The following ITGA1 variants were observed in gnomAD, a reference collection of about 807,000 sequenced individuals.
ITGA1 encodes integrin alpha-1.
ITGA1 carries 85 observed loss-of-function variants against 145.9 expected under a neutral mutation model. That is an observed-to-expected ratio of 0.58 (90% CI 0.49 to 0.70). The LOEUF is 0.70. ITGA1 is among the 30% of genes least tolerant of loss of function. The probability of loss-of-function intolerance (pLI) is 0.00; values close to 1 mark genes in which losing one functional copy is unlikely to be tolerated. For missense variants in ITGA1, 1,351 were observed against 1,418.7 expected (o/e 0.95, Z 0.77); for synonymous variants, 520 against 495.3 (o/e 1.05, Z -0.66).
intron 1 of ITGA1, among the ~76,000 whole-genome samples, chr5:52,806,445 A>G (rs1047760945): frequency 4.6e-5 from 7 of 152,084 alleles, no homozygotes; most frequent in African/African-American, 1.4e-4. Context: ...AGAAATAAAA[A>G]AATTGACCAA....
chr5:52,806,403 T>A (rs1281910592), intron 1 of ITGA1, among the ~76,000 whole-genome samples: 1 of 151,976 alleles, frequency 6.6e-6, no homozygotes, highest in African/African-American at 2.4e-5. Flanking sequence ...CAGGAGTTGC[T>A]AAATATGGTC....
At chr5:52,827,362 G>A (rs1476743674) in intron 1 of ITGA1, among the ~76,000 whole-genome samples, 1 of 152,150 alleles carries the variant, frequency 6.6e-6, no homozygotes, top group Non-Finnish European at 1.5e-5. Context: ...GTCTTGAGAT[G>A]AAATCAATTC....
At chr5:52,834,691 GGGAA>G (rs960593512) in intron 1 of ITGA1, among the ~76,000 whole-genome samples, 6 of 151,070 alleles carry the variant, frequency 4.0e-5, no homozygotes, top group African/African-American at 1.2e-4. Flanking sequence ...AAGAAAGAAG[GGGAA>G]GGAAGGAAGG....
At chr5:52,845,825 TC>T (rs1450207900) in intron 1 of ITGA1, among the ~76,000 whole-genome samples, 2 of 152,168 alleles carry the variant, frequency 1.3e-5, no homozygotes, top group African/African-American at 4.8e-5. Context: ...TTTATGCATT[TC>T]TTGTATCAAA....
chr5:52,901,521 CTG>C (rs1750313885), intron 11 of ITGA1, among the ~76,000 whole-genome samples: 1 of 152,306 alleles, frequency 6.6e-6, no homozygotes, highest in South Asian at 2.1e-4. Context: ...TTTAAAGACA[CTG>C]TGTGAAGTCC....
At chr5:52,944,312 G>C (rs1391869648) in intron 26 of ITGA1, among the ~76,000 whole-genome samples, 2 of 152,122 alleles carry the variant, frequency 1.3e-5, no homozygotes, top group Non-Finnish European at 2.9e-5. Context: ...AGAGTGAGCT[G>C]TCCCTCAGTC....
chr5:52,876,195 A>T (rs1749863072), intron 6 of ITGA1, among the ~76,000 whole-genome samples: 1 of 152,306 alleles, frequency 6.6e-6, no homozygotes, highest in South Asian at 2.1e-4. Flanking sequence ...TCTGCTACAT[A>T]CATTTACATT....
chr5:52,958,262 A>T lies in ITGA1; in HGVS notation c.*5811A>T, dbSNP rs1751331749. On this transcript the variant is annotated 3_prime_UTR_variant, in exon 29 of 29. Transcript: ENST00000282588. ...AATGGGGGTGAGGGAGTGGAAGATG[A>T]TGAAACTATTTCTCTTTTATGTCTA... The T allele has an allele frequency of 6.6e-6, 1 of 152,214 alleles. No individual in the cohort carries two copies. Among genetic ancestry groups the T allele is most frequent in the Non-Finnish European group, 1.5e-5 (1 of 68,042 alleles). 9.4% of individuals were successfully genotyped at this position (152,214 alleles called of 1,614,324 possible).
At chr5:52,815,652 G>C (rs921516860) in intron 1 of ITGA1, among the ~76,000 whole-genome samples, 6 of 152,166 alleles carry the variant, frequency 3.9e-5, no homozygotes, top group Non-Finnish European at 8.8e-5. Context: ...CCTTCCCTAT[G>C]TTTGGAAAAC....
chr5:52,795,524 A>G (rs1335314432), intron 1 of ITGA1, among the ~76,000 whole-genome samples: 2 of 151,942 alleles, frequency 1.3e-5, no homozygotes, highest in Admixed American at 1.3e-4. Context: ...AATAGGAAAG[A>G]TAGTAATTCA....
chr5:52,853,327 T>C (rs568417196), intron 2 of ITGA1, among the ~76,000 whole-genome samples: 1 of 152,316 alleles, frequency 6.6e-6, no homozygotes, highest in Non-Finnish European at 1.5e-5. Context: ...GTTCTGTAAG[T>C]GTCTATAAAA....
At chr5:52,888,988 A>G (rs1750099782) in intron 8 of ITGA1, among the ~76,000 whole-genome samples, 1 of 152,228 alleles carries the variant, frequency 6.6e-6, no homozygotes, top group Admixed American at 6.5e-5. Flanking sequence ...TAAATCTGCC[A>G]CTGCCTTCTC....
intron 28 of ITGA1, 123 bp from the exon 29 acceptor site, chr5:52,952,284 A>C: frequency 2.1e-6 from 1 of 465,624 alleles, no homozygotes; most frequent in Non-Finnish European, 3.9e-6. Flanking sequence ...ATATTTCTTA[A>C]TTATATTAGT....
chr5:52,910,285 A>G lies in ITGA1; in HGVS notation c.1723A>G (p.Ile575Val). The part of the protein sequence containing the change: ...EPCGARFGTA[I>V]AAVKDLNLDG... ...ATGCGGGGCTCGTTTTGGAACTGCA[A>G]TTGCTGCTGTAAAAGACCTCAATCT... The change falls in exon 14 of 29, where the codon ATT becomes GTT. Residue 575 changes from isoleucine (I) to valine (V), a missense_variant. Physicochemically the swap from Ile to Val is conservative, Grantham distance 29. Transcript: ENST00000282588. The G allele has an allele frequency of 6.2e-7, 1 of 1,613,994 alleles. No homozygotes were observed. Among genetic ancestry groups the G allele is most frequent in the East Asian group, 2.2e-5 (1 of 44,874 alleles).
Position 52,853,225 on chromosome 5 carries a change from C to T in ITGA1, c.182+3740C>T, listed in dbSNP as rs570707678. ...AGCAAATTACAAATACCTAAATTTCCAAACTTTTAAGGATAGCATGGTAGC... is the reference window on the plus strand; with the variant it reads ...AGCAAATTACAAATACCTAAATTTCTAAACTTTTAAGGATAGCATGGTAGC... On this transcript the variant is annotated intron_variant, in intron 2 of 28. Transcript: ENST00000282588. Among the ~76,000 whole-genome samples the T allele has an allele frequency of 2.0e-5, 3 of 152,170 alleles. No individual in the cohort carries two copies. The East Asian group carries it at 5.8e-4, about 29-fold the overall frequency.
Position 52,954,881 on chromosome 5 carries a change from C to T in ITGA1, c.*2430C>T, listed in dbSNP as rs1362560002. 2 of 151,946 alleles carry T rather than the reference C, an allele frequency of 1.3e-5. No individual in the cohort carries two copies. Among genetic ancestry groups the T allele is most frequent in the African/African-American group, 4.8e-5 (2 of 41,394 alleles). The allele number at this position is 151,946 out of a possible 1,614,324, so 9.4% of individuals were successfully genotyped here. Reference sequence around the variant, plus strand: ...AAAAAAGTCAACAAATGTTTCAAAACAGCTTTGTACAAATGTTATAAAACA... The same window carrying T: ...AAAAAAGTCAACAAATGTTTCAAAATAGCTTTGTACAAATGTTATAAAACA... On this transcript the variant is annotated 3_prime_UTR_variant, in exon 29 of 29. Transcript: ENST00000282588.
intron 1 of ITGA1, among the ~76,000 whole-genome samples, chr5:52,844,861 G>A (rs1048605616): frequency 3.9e-5 from 6 of 152,080 alleles, no homozygotes; most frequent in African/African-American, 1.4e-4. Flanking sequence ...AAAATTCCAA[G>A]ACAACTTAGT....
At chr5:52,798,483 C>T (rs556287435) in intron 1 of ITGA1, among the ~76,000 whole-genome samples, 23 of 152,076 alleles carry the variant, frequency 1.5e-4, no homozygotes, top group Non-Finnish European at 2.5e-4. Context: ...CATTTTAGGA[C>T]GTTTATTTGC....
At chr5:52,946,414 C>G (rs1048253332) in intron 27 of ITGA1, among the ~76,000 whole-genome samples, 8 of 152,164 alleles carry the variant, frequency 5.3e-5, no homozygotes, top group African/African-American at 1.7e-4. Context: ...TGGTCTGATG[C>G]TGTATATGTC....
Sources: allele counts gnomAD v4.1 joint callset (sites outside exome capture counted in the v4.1 genomes callset), GRCh38; gene constraint gnomAD v4.1.1; transcripts MANE v1.5; gene names NCBI Gene and HGNC (gene_info 2026-07-23, HGNC 2026-07-21).